TUBGCP3: variants seen among roughly 807,000 people sequenced by gnomAD.
TUBGCP3 encodes gamma-tubulin complex component 3.
A neutral mutation model predicts 123.1 loss-of-function variants in TUBGCP3; 50 were observed. That is an observed-to-expected ratio of 0.41 (90% CI 0.32 to 0.51). The LOEUF (loss-of-function observed/expected upper bound fraction) is 0.51, where lower values mean the gene tolerates loss of function less well. Ranked by LOEUF, TUBGCP3 falls within the 20% of genes least tolerant of loss-of-function variation. The probability of loss-of-function intolerance (pLI) is 0.36; values close to 1 mark genes in which losing one functional copy is unlikely to be tolerated. For synonymous variants in TUBGCP3, 405 were observed against 413.9 expected, an observed-to-expected ratio of 0.98 and a Z score of 0.26; for missense variants, 882 against 1,127.0, an observed-to-expected ratio of 0.78 and a Z score of 3.11.
chr13:112,553,197 C>T (rs1476544174), intron 8 of TUBGCP3, among the ~76,000 whole-genome samples: 1 of 151,784 alleles, frequency 6.6e-6, no homozygotes, highest in Non-Finnish European at 1.5e-5. Flanking sequence ...CAGCCACATT[C>T]TTACCCACCG....
At chr13:112,505,142 T>A (rs1881206396) in intron 17 of TUBGCP3, among the ~76,000 whole-genome samples, 1 of 152,222 alleles carries the variant, frequency 6.6e-6, no homozygotes, top group Non-Finnish European at 1.5e-5. Context: ...AGGAACCGAC[T>A]GTGGCCTTAC....
At chr13:112,532,509 TA>T (rs901637971) in intron 11 of TUBGCP3, among the ~76,000 whole-genome samples, 8 of 152,368 alleles carry the variant, frequency 5.3e-5, no homozygotes, top group African/African-American at 1.9e-4. Flanking sequence ...TTGAAGCACC[TA>T]ATCTTTACTA....
the TUBGCP3 span, among the ~76,000 whole-genome samples, chr13:112,600,659 C>A: frequency 6.6e-6 from 1 of 152,014 alleles, no homozygotes; most frequent in African/African-American, 2.4e-5. Context: ...AATTAATTTT[C>A]AAAGGTTGAC....
chr13:112,592,781 C>A (rs1259112471), upstream of TUBGCP3, among the ~76,000 whole-genome samples: 1 of 152,164 alleles, frequency 6.6e-6, no homozygotes, highest in Non-Finnish European at 1.5e-5. The surrounding 1 kb of genome is among the most constrained non-coding windows in gnomAD (Gnocchi z 4.1). Flanking sequence ...GCACCCAGGT[C>A]CTTCCCCGCA....
intron 2 of TUBGCP3, among the ~76,000 whole-genome samples, chr13:112,567,771 G>A (rs1488102921): frequency 6.6e-6 from 1 of 152,194 alleles, no homozygotes; most frequent in Non-Finnish European, 1.5e-5. Flanking sequence ...TCGCCATCCA[G>A]TGCAGTCACA....
chr13:112,509,695 G>A (rs569041257), intron 17 of TUBGCP3, among the ~76,000 whole-genome samples: 13 of 152,272 alleles, frequency 8.5e-5, no homozygotes, highest in African/African-American at 1.9e-4. Flanking sequence ...TGCTGAGGAC[G>A]CTGCTACTGA....
chr13:112,562,288 G>A (rs540857286), intron 3 of TUBGCP3, among the ~76,000 whole-genome samples: 2 of 152,116 alleles, frequency 1.3e-5, no homozygotes, highest in East Asian at 3.9e-4. Flanking sequence ...CACCAGCCAG[G>A]ACCTACTAGG....
At chr13:112,547,566 G>C in intron 10 of TUBGCP3, 54 bp downstream of exon 10, 1 of 1,356,178 alleles carries the variant, frequency 7.4e-7, no homozygotes, top group East Asian at 2.6e-5. Flanking sequence ...GGAAAGTCGC[G>C]CGTGGGAAAG....
chr13:112,547,436 C>T lies in TUBGCP3; in HGVS notation c.1168+184G>A, dbSNP rs111228599. 6.8e-4 allele frequency: 709 copies of T among 1,044,880 alleles called. 1 individual carries two copies. In the African/African-American group the frequency reaches 0.01, roughly 15 times the overall value. The allele number at this position is 1,044,880 out of a possible 1,614,324, so 64.7% of individuals were successfully genotyped here. On this transcript the variant is annotated intron_variant, in intron 10 of 21. Transcript: ENST00000261965. ...CACGGCCATTAAGGACAAAAACGGGCAGGACACAAAAGCAAGCCTGGATGG... is the reference window on the plus strand; with the variant it reads ...CACGGCCATTAAGGACAAAAACGGGTAGGACACAAAAGCAAGCCTGGATGG...
Position 112,508,292 on chromosome 13 carries a change from C to T in TUBGCP3, c.2087-3578G>A, listed in dbSNP as rs114185385. On this transcript the variant is annotated intron_variant, in intron 17 of 21. Coordinates refer to ENST00000261965, the MANE Select transcript of TUBGCP3 (RefSeq NM_006322.6). This position sits in a 1 kb window ranked among gnomAD's most constrained non-coding sequence, Gnocchi z 4.2. ...CCTCCTCTGTGATTTTCAGCCTCCC[C>T]CTCCTTCTCCATATCGGCATCTCAA... Among the ~76,000 whole-genome samples the T allele has an allele frequency of 6.6e-6, 1 of 152,214 alleles. No homozygotes were observed. The highest frequency in any genetic ancestry group is 2.4e-5 in the African/African-American group (1 of 41,452).
chr13:112,534,650 G>T (rs9549535), intron 11 of TUBGCP3, among the ~76,000 whole-genome samples: 22,020 of 151,950 alleles, frequency 0.14, 1,892 homozygotes, highest in Non-Finnish European at 0.2. Context: ...GCTCGGCGAC[G>T]CCATGGTGAA....
At chr13:112,493,248 G>C (rs1247852682) in intron 20 of TUBGCP3, among the ~76,000 whole-genome samples, 1 of 144,798 alleles carries the variant, frequency 6.9e-6, no homozygotes, top group East Asian at 2.2e-4. Flanking sequence ...TTTGGGAACA[G>C]GGCCTGGTGT....
intron 20 of TUBGCP3, among the ~76,000 whole-genome samples, chr13:112,493,742 T>G (rs562096916): frequency 4.5e-4 from 50 of 111,928 alleles, no homozygotes; most frequent in East Asian, 1.2e-3. Flanking sequence ...TATGGGAACA[T>G]GGCCTGGTGT....
intron 13 of TUBGCP3, among the ~76,000 whole-genome samples, chr13:112,523,243 G>C (rs1001785065): frequency 1.3e-5 from 2 of 152,220 alleles, no homozygotes; most frequent in African/African-American, 4.8e-5. Flanking sequence ...ACCTCAGACT[G>C]AGAGAAGGAG....
At position 112,558,211 on chromosome 13, in the gene TUBGCP3, TG is replaced by T; in HGVS notation, c.532del (p.Gln178AsnfsTer14). On this transcript the variant is annotated frameshift_variant, in exon 5 of 22. Transcript: ENST00000261965. LOFTEE classifies it high-confidence loss of function. ...CALSGPAPAP[Q>X]SLLPGQSNQA... ...GTGGCCTTACCCTGGGAGGAGAGAT[TG>T]TGGCGCAGGCGCGGGGCCACTGAGG... The T allele has an allele frequency of 6.2e-7, 1 of 1,610,696 alleles. No homozygotes were observed. Among genetic ancestry groups the T allele is most frequent in the Non-Finnish European group, 8.5e-7 (1 of 1,178,942 alleles).
upstream of TUBGCP3, among the ~76,000 whole-genome samples, chr13:112,589,958 AC>A (rs1254980742): frequency 1.3e-5 from 2 of 151,584 alleles, no homozygotes; most frequent in East Asian, 3.9e-4. Context: ...CAAATGTTCT[AC>A]TCATACTTCC....
chr13:112,527,099 C>A (rs767608871), intron 12 of TUBGCP3, 49 bp from the exon 13 acceptor site: 2 of 1,457,266 alleles, frequency 1.4e-6, no homozygotes, highest in Non-Finnish European at 1.9e-6. Flanking sequence ...TTTAAAACGA[C>A]TGCCCAAATC....
rs182165124 is a variant in TUBGCP3, at chr13:112,568,160, T to C, written c.184+992A>G. Reference sequence around the variant, plus strand: ...TAAGACCCAAAGCCAAATGGACTTCTAGAAGGTGTTATCACTAAGACCCAC... The same window carrying C: ...TAAGACCCAAAGCCAAATGGACTTCCAGAAGGTGTTATCACTAAGACCCAC... On this transcript the variant is annotated intron_variant, in intron 2 of 21. Transcript: ENST00000261965. Among the ~76,000 whole-genome samples the C allele has an allele frequency of 4.2e-3, 635 of 151,262 alleles. 5 individuals carry two copies. The highest frequency in any genetic ancestry group is 0.015 in the African/African-American group (604 of 41,152).
intron 1 of TUBGCP3, among the ~76,000 whole-genome samples, chr13:112,572,620 G>A (rs944456125): frequency 1.3e-5 from 2 of 152,176 alleles, no homozygotes; most frequent in African/African-American, 4.8e-5. Flanking sequence ...GAAATAGGGA[G>A]GCCTGAGGAG....
Sources: gnomAD v4.1 joint callset for allele counts (sites outside exome capture counted in the v4.1 genomes callset) on GRCh38, gnomAD v4.1.1 for gene constraint, Gnocchi (gnomAD v3.1) non-coding constraint, MANE v1.5 for transcripts, NCBI Gene and HGNC (gene_info 2026-07-23, HGNC 2026-07-21) for gene names.